Variants in NCOR1 observed in about 807,000 individuals in gnomAD.
The protein encoded by NCOR1 is nuclear receptor corepressor 1.
NCOR1 carries 63 observed loss-of-function variants against 288.1 expected under a neutral mutation model. The observed-to-expected ratio is 0.22, with a 90% CI of 0.18 to 0.27. The LOEUF is 0.27. Ranked by LOEUF, NCOR1 falls within the 10% of genes least tolerant of loss-of-function variation. The pLI, the probability that NCOR1 is intolerant of heterozygous loss-of-function variation, is 1.00. For synonymous variants in NCOR1, 1,007 were observed against 1,065.9 expected (o/e 0.94, Z 1.08); for missense variants, 2,397 against 3,019.2 (o/e 0.79, Z 4.83).
chr17:16,050,990 G>C (rs1234121995), intron 40 of NCOR1, among the ~76,000 whole-genome samples: 2 of 151,980 alleles, frequency 1.3e-5, no homozygotes, highest in Non-Finnish European at 2.9e-5. Context: ...ATGCCACCAT[G>C]CCTGGGCGAT....
intron 1 of NCOR1, among the ~76,000 whole-genome samples, chr17:16,210,713 T>A (rs2092032549): frequency 6.6e-6 from 1 of 151,998 alleles, no homozygotes; most frequent in Non-Finnish European, 1.5e-5. Context: ...TAATCTCTCA[T>A]TTCCTATTCA....
chr17:16,149,129 G>A (rs2078472420), intron 9 of NCOR1, among the ~76,000 whole-genome samples: 1 of 151,828 alleles, frequency 6.6e-6, no homozygotes, highest in African/African-American at 2.4e-5. Flanking sequence ...ACCTACAACT[G>A]TTTGAGGCTT....
intron 18 of NCOR1, among the ~76,000 whole-genome samples, chr17:16,117,514 G>GAAA (rs34706253): frequency 2.0e-4 from 21 of 103,746 alleles, no homozygotes; most frequent in East Asian, 1.8e-3. Context: ...CTGGAGCTCA[G>GAAA]AAAAAAAAAA....
rs1229534625 is a variant in NCOR1, at chr17:16,194,621, C to A, written c.-52G>T. The stretch of plus-strand genomic sequence containing the variant: ...TGTGAGATCAATGCCAATAAACAAT[C>A]ATGTTTCTAGGAAACCACCTAAACA... On this transcript the variant is annotated 5_prime_UTR_variant, in exon 2 of 46. An upstream start codon of the reference 5' UTR is lost. Coordinates refer to ENST00000268712, the MANE Select transcript of NCOR1 (RefSeq NM_006311.4). The A allele has an allele frequency of 2.5e-6, 3 of 1,193,078 alleles. No homozygotes were observed. In the South Asian group the frequency reaches 4.0e-5, roughly 16 times the overall value. 73.9% of individuals were successfully genotyped at this position (1,193,078 alleles called of 1,614,324 possible).
rs1160931734 is a variant in NCOR1 at position 16,032,338 on chromosome 17, C to T, written c.7281G>A (p.Leu2427=). The T allele has an allele frequency of 7.4e-6, 12 of 1,613,984 alleles. No homozygotes were observed. Among genetic ancestry groups the T allele is most frequent in the South Asian group, 2.2e-5 (2 of 91,054 alleles). ...NRIWEREPAP[L]LSAQYETLSD... ...ACAGGGTCTCGTACTGTGCTGAGAG[C>T]AGTGGGGCAGGCTCTCGCTCCCAGA... The change falls in exon 46 of 46, where the codon CTG becomes CTA. Residue 2427 remains leucine, a synonymous_variant. Transcript: ENST00000268712.
chr17:16,192,822 G>A (rs1015423417), intron 2 of NCOR1, among the ~76,000 whole-genome samples: 3 of 152,168 alleles, frequency 2.0e-5, no homozygotes, highest in African/African-American at 7.2e-5. Context: ...TGGAATAGGT[G>A]ATTGGATAAA....
chr17:16,080,277 T>A (rs2063199279), intron 25 of NCOR1, 131 bp downstream of exon 25: 1 of 925,396 alleles, frequency 1.1e-6, no homozygotes, highest in Non-Finnish European at 1.6e-6. Context: ...GACTTTTACA[T>A]GGAAAGAAAA....
intron 17 of NCOR1, among the ~76,000 whole-genome samples, chr17:16,119,083 T>C (rs1027064416): frequency 1.3e-5 from 2 of 152,264 alleles, no homozygotes; most frequent in East Asian, 3.8e-4. Context: ...ATAGACTTTA[T>C]ATCAACATTC....
At chr17:16,108,662 C>G in intron 19 of NCOR1, 124 bp downstream of exon 19, 2 of 719,340 alleles carry the variant, frequency 2.8e-6, no homozygotes, top group Non-Finnish European at 4.3e-6. Context: ...AGTTTGAAGT[C>G]TCCACACCAT....
At chr17:16,101,778 C>T (rs777734533) in intron 19 of NCOR1, 21 bp from the exon 20 acceptor site, 2 of 1,613,648 alleles carry the variant, frequency 1.2e-6, no homozygotes, top group African/African-American at 1.3e-5. Flanking sequence ...AGAAGGAGCA[C>T]TTTCTGTATC....
At position 16,211,025 on chromosome 17, in the gene NCOR1, C is replaced by T. The variant is rs763575913; in HGVS notation, c.-71+4337G>A. On this transcript the variant is annotated intron_variant, in intron 1 of 45. Transcript: ENST00000268712. ...AGATTACAGGTGTGAGCCACCGCGC[C>T]TGGCCGATTTTTAAGTGTCAATCAT... Among the ~76,000 whole-genome samples the T allele has an allele frequency of 4.3e-4, 66 of 152,190 alleles. No individual in the cohort carries two copies. In the Middle Eastern group the frequency reaches 0.027, roughly 63 times the overall value.
chr17:16,127,612 T>C (rs1201471935), intron 14 of NCOR1, among the ~76,000 whole-genome samples: 1 of 146,812 alleles, frequency 6.8e-6, no homozygotes, highest in Non-Finnish European at 1.5e-5. Context: ...CATACATATG[T>C]GTATGTGTAT....
At chr17:16,143,542 C>A in intron 11 of NCOR1, 64 bp downstream of exon 11, 1 of 1,279,448 alleles carries the variant, frequency 7.8e-7, no homozygotes, top group Non-Finnish European at 1.1e-6. Context: ...AAACCCTTAG[C>A]TCCTACAGAG....
chr17:16,146,796 T>A (rs546765787), intron 9 of NCOR1, among the ~76,000 whole-genome samples: 1 of 152,328 alleles, frequency 6.6e-6, no homozygotes, highest in East Asian at 1.9e-4. Context: ...ATTTATAAAC[T>A]ACTTGACACC....
intron 6 of NCOR1, among the ~76,000 whole-genome samples, chr17:16,158,215 C>G (rs1432440645): frequency 6.6e-6 from 1 of 152,180 alleles, no homozygotes; most frequent in Admixed American, 6.5e-5. Context: ...CTCAAGTGAT[C>G]TACCCGCCTC....
intron 40 of NCOR1, among the ~76,000 whole-genome samples, chr17:16,053,584 G>C (rs557890811): frequency 6.6e-6 from 1 of 152,302 alleles, no homozygotes; most frequent in South Asian, 2.1e-4. Flanking sequence ...CTCATGGATA[G>C]GAAGAATCAA....
chr17:16,151,619 GA>G, intron 8 of NCOR1: 3 of 1,358,498 alleles, frequency 2.2e-6, no homozygotes, highest in Non-Finnish European at 2.9e-6. Flanking sequence ...GTACTCCACT[GA>G]AAAAAAGACA....
chr17:16,112,363 T>C (rs1460038161), intron 18 of NCOR1, among the ~76,000 whole-genome samples: 1 of 152,218 alleles, frequency 6.6e-6, no homozygotes, highest in East Asian at 1.9e-4. Context: ...CACTTTTAAA[T>C]CAGTCAATGT....
chr17:16,040,298 C>A (rs1424639532), intron 43 of NCOR1, 143 bp downstream of exon 43: 5 of 749,278 alleles, frequency 6.7e-6, no homozygotes, highest in Non-Finnish European at 1.2e-5. Context: ...CTGGGTAAAC[C>A]TTCCTTCACT....
Sources: allele counts gnomAD v4.1 joint callset (sites outside exome capture counted in the v4.1 genomes callset), GRCh38; gene constraint gnomAD v4.1.1; transcripts MANE v1.5; gene names NCBI Gene and HGNC (gene_info 2026-07-23, HGNC 2026-07-21).